The following WWOX variants were observed in gnomAD, a reference collection of about 807,000 sequenced individuals.
WWOX encodes the protein WW domain containing oxidoreductase.
Under a neutral mutation model 46.2 loss-of-function variants are expected in WWOX, and 69 were observed. That is an observed-to-expected ratio of 1.49 (90% confidence interval 1.23 to 1.82). The LOEUF (loss-of-function observed/expected upper bound fraction) is 1.82, where lower values mean the gene tolerates loss of function less well. Among genes scored for constraint, WWOX ranks in the 40% most tolerant of loss-of-function variants. WWOX has a pLI of 0.00. For missense variants in WWOX, 919 were observed against 542.6 expected (o/e 1.69, Z -6.89); for synonymous variants, 359 against 202.6 (o/e 1.77, Z -6.56).
intron 8 of WWOX, among the ~76,000 whole-genome samples, chr16:78,633,283 A>G (rs185324295): frequency 7.9e-5 from 12 of 152,302 alleles, no homozygotes; most frequent in Non-Finnish European, 1.5e-4. Flanking sequence ...AAACAAAAAA[A>G]CAAGAAGTTA....
chr16:79,187,128 TGG>T (rs984105150), intron 8 of WWOX, among the ~76,000 whole-genome samples: 2 of 152,224 alleles, frequency 1.3e-5, no homozygotes, highest in Non-Finnish European at 2.9e-5. Context: ...CCGAACCCCC[TGG>T]GTTCAAATCC....
At chr16:79,112,031 C>T (rs896572267) in intron 8 of WWOX, among the ~76,000 whole-genome samples, 3 of 152,156 alleles carry the variant, frequency 2.0e-5, no homozygotes, top group African/African-American at 2.4e-5. Context: ...ACAAACTCCC[C>T]AGCCATACCT....
chr16:78,813,729 C>A (rs1029313511), intron 8 of WWOX, among the ~76,000 whole-genome samples: 1 of 152,194 alleles, frequency 6.6e-6, no homozygotes, highest in Admixed American at 6.5e-5. Flanking sequence ...TTACTGCTTT[C>A]TCTTTGTCGC....
chr16:79,167,115 G>A (rs1394385605), intron 8 of WWOX, among the ~76,000 whole-genome samples: 2 of 151,920 alleles, frequency 1.3e-5, no homozygotes, highest in Admixed American at 6.6e-5. Context: ...TAATTTTTTT[G>A]TATTTTATTA....
chr16:78,826,986 G>T (rs186506990), intron 8 of WWOX, among the ~76,000 whole-genome samples: 21 of 152,202 alleles, frequency 1.4e-4, no homozygotes, highest in Admixed American at 7.8e-4. Flanking sequence ...GGACTAACCA[G>T]CCGGGTTTAG....
chr16:78,247,391 C>G (rs764558614), intron 5 of WWOX, among the ~76,000 whole-genome samples: 45 of 152,112 alleles, frequency 3.0e-4, no homozygotes, highest in African/African-American at 9.4e-4. Context: ...CTGCTGCCCA[C>G]CTTTCTTTTT....
intron 8 of WWOX, among the ~76,000 whole-genome samples, chr16:78,528,614 A>G (rs563616801): frequency 2.6e-5 from 4 of 152,270 alleles, no homozygotes; most frequent in South Asian, 4.1e-4. Context: ...CAGTAAACCC[A>G]TTTATCTCAG....
intron 8 of WWOX, among the ~76,000 whole-genome samples, chr16:78,970,976 A>G (rs1254302207): frequency 1.3e-5 from 2 of 152,176 alleles, no homozygotes; most frequent in East Asian, 3.9e-4. Context: ...TGGGAGAAAC[A>G]GCTGCCAGAA....
chr16:78,924,797 C>A (rs1293712476), intron 8 of WWOX, among the ~76,000 whole-genome samples: 3 of 152,298 alleles, frequency 2.0e-5, no homozygotes, highest in South Asian at 4.1e-4. Flanking sequence ...ATAGACATCT[C>A]TTTTAGACTA....
chr16:78,402,910 G>C (rs2082446250), intron 6 of WWOX, among the ~76,000 whole-genome samples: 1 of 152,176 alleles, frequency 6.6e-6, no homozygotes, highest in African/African-American at 2.4e-5. Context: ...CTCAACTCCA[G>C]AGCCAAGTGC....
intron 8 of WWOX, among the ~76,000 whole-genome samples, chr16:78,759,269 C>T (rs2049732648): frequency 6.6e-6 from 1 of 152,126 alleles, no homozygotes; most frequent in Non-Finnish European, 1.5e-5. Flanking sequence ...GTGGGCATGG[C>T]AGGGAAATAA....
At chr16:78,673,614 C>G (rs963687735) in intron 8 of WWOX, among the ~76,000 whole-genome samples, 1 of 152,094 alleles carries the variant, frequency 6.6e-6, no homozygotes, top group African/African-American at 2.4e-5. Context: ...TTACGACTTG[C>G]TAAAAGAAAA....
At chr16:78,508,304 C>T (rs887585605) in intron 8 of WWOX, among the ~76,000 whole-genome samples, 1 of 126,844 alleles carries the variant, frequency 7.9e-6, no homozygotes, top group Non-Finnish European at 1.5e-5. Context: ...AGCCACTGCG[C>T]CCGGCCTTTT....
chr16:78,984,798 G>A (rs1275692628), intron 8 of WWOX, among the ~76,000 whole-genome samples: 3 of 152,070 alleles, frequency 2.0e-5, no homozygotes, highest in South Asian at 4.1e-4. Context: ...GATCGATACC[G>A]GCAGCTCAGG....
At chr16:78,110,557 T>A (rs1014668324) in intron 3 of WWOX, among the ~76,000 whole-genome samples, 1 of 152,336 alleles carries the variant, frequency 6.6e-6, no homozygotes, top group Non-Finnish European at 1.5e-5. Flanking sequence ...ATAGAGAACC[T>A]ATAATTATAA....
At chr16:78,165,148 A>G (rs11645631) in intron 5 of WWOX, among the ~76,000 whole-genome samples, 12,563 of 152,206 alleles carry the variant, frequency 0.083, 570 homozygotes, top group Non-Finnish European at 0.094. Flanking sequence ...AGACTCTGAG[A>G]TAGCGGTGAG....
chr16:78,180,068 A>G (rs1440440080), intron 5 of WWOX, among the ~76,000 whole-genome samples: 1 of 152,218 alleles, frequency 6.6e-6, no homozygotes, highest in East Asian at 1.9e-4. Flanking sequence ...AATTGGTTTC[A>G]TGTTGATGTT....
Position 78,877,777 on chromosome 16 carries a change from G to T in WWOX, c.1057-333831G>T, listed in dbSNP as rs534415691. ...ACGTGGAAGACAATATTTATTGGAG[G>T]AATGAATCTAGAAATATCCTTGGAT... is the stretch of plus-strand genomic sequence containing the variant. On this transcript the variant is annotated intron_variant, in intron 8 of 8. Transcript: ENST00000566780. Among the ~76,000 whole-genome samples the T allele has an allele frequency of 2.0e-5, 3 of 152,246 alleles. No individual in the cohort carries two copies. The South Asian group carries it at 6.2e-4, about 32-fold the overall frequency.
chr16:79,160,613 C>G (rs2050466541), intron 8 of WWOX, among the ~76,000 whole-genome samples: 1 of 152,074 alleles, frequency 6.6e-6, no homozygotes, highest in Admixed American at 6.5e-5. Context: ...TTCATTTATT[C>G]TTTTTTTGAA....
Sources: allele counts gnomAD v4.1 joint callset (sites outside exome capture counted in the v4.1 genomes callset), GRCh38; gene constraint gnomAD v4.1.1; transcripts MANE v1.5; gene names NCBI Gene and HGNC (gene_info 2026-07-23, HGNC 2026-07-21).